Variants in CAMTA1 observed in about 807,000 individuals in gnomAD.
CAMTA1 encodes calmodulin-binding transcription activator 1.
In CAMTA1, 27 loss-of-function variants were observed where a neutral mutation model predicts 170.9. The observed-to-expected ratio is 0.16, with a 90% CI of 0.12 to 0.22. The LOEUF is 0.22. Among genes scored for constraint, CAMTA1 ranks in the 10% least tolerant of loss-of-function variants. The pLI, the probability that CAMTA1 is intolerant of heterozygous loss-of-function variation, is 1.00. For synonymous variants in CAMTA1, 833 were observed against 891.5 expected (o/e 0.93, Z 1.17); for missense variants, 1,619 against 2,217.2 (o/e 0.73, Z 5.42).
Position 7,634,728 on chromosome 1 carries a change from C to T in CAMTA1, c.511-5672C>T, listed in dbSNP as rs1226582856. Among the ~76,000 whole-genome samples the T allele has an allele frequency of 6.6e-6, 1 of 151,922 alleles. No homozygotes were observed. Among genetic ancestry groups the T allele is most frequent in the Admixed American group, 6.6e-5 (1 of 15,252 alleles). On this transcript the variant is annotated intron_variant, in intron 6 of 22. Transcript: ENST00000303635. This position sits in a 1 kb window ranked among gnomAD's most constrained non-coding sequence, Gnocchi z 6.2. ...AGGGGGCTCTAAGCAGCAGAAGTGCCCGCTGGAGGCTTAACTCTGCTCACC... is the reference window on the plus strand; with the variant it reads ...AGGGGGCTCTAAGCAGCAGAAGTGCTCGCTGGAGGCTTAACTCTGCTCACC...
intron 3 of CAMTA1, among the ~76,000 whole-genome samples, chr1:6,921,455 T>C (rs1295954212): frequency 6.6e-6 from 1 of 152,262 alleles, no homozygotes; most frequent in East Asian, 1.9e-4. Flanking sequence ...TGTCTTCTTC[T>C]GAGCCCTCCA....
rs1165637559 is a variant in CAMTA1, at chr1:7,499,355, C to A, written c.510+31454C>A. ...ATGTGTGTAGAGAGGATTGTGTGAG[C>A]CTGGTGTGCGTGTGTATGTATATGA... is the stretch of plus-strand genomic sequence containing the variant. On this transcript the variant is annotated intron_variant, in intron 6 of 22. Coordinates refer to ENST00000303635, the MANE Select transcript of CAMTA1 (RefSeq NM_015215.4). Among the ~76,000 whole-genome samples the A allele has an allele frequency of 3.1e-4, 39 of 126,034 alleles. 1 individual carries two copies. The highest frequency in any genetic ancestry group is 1.2e-3 in the African/African-American group (39 of 33,032). The allele number at this position is 126,034 out of a possible 152,430, so 82.7% of individuals were successfully genotyped here.
At chr1:7,552,048 A>G (rs1575993205) in intron 6 of CAMTA1, among the ~76,000 whole-genome samples, 3 of 152,334 alleles carry the variant, frequency 2.0e-5, no homozygotes, top group Middle Eastern at 6.8e-3. Context: ...AGGACCAGTG[A>G]CTTGCCATAG....
At chr1:7,405,005 A>G (rs1307191193) in intron 5 of CAMTA1, among the ~76,000 whole-genome samples, 2 of 151,954 alleles carry the variant, frequency 1.3e-5, no homozygotes, top group Non-Finnish European at 2.9e-5. Context: ...AAGTGAAAAT[A>G]TCATTACAAT....
At chr1:7,723,890 G>T (rs2096665496) in intron 11 of CAMTA1, among the ~76,000 whole-genome samples, 1 of 152,220 alleles carries the variant, frequency 6.6e-6, no homozygotes, top group Non-Finnish European at 1.5e-5. Flanking sequence ...TGTGATCTCA[G>T]CTCACTGCAA....
chr1:6,971,661 T>C lies in CAMTA1; in HGVS notation c.235-119643T>C, dbSNP rs1252408276. Among the ~76,000 whole-genome samples, 1 of 152,182 alleles carries C rather than the reference T, an allele frequency of 6.6e-6. No homozygotes were observed. Among genetic ancestry groups the C allele is most frequent in the Non-Finnish European group, 1.5e-5 (1 of 68,030 alleles). On this transcript the variant is annotated intron_variant, in intron 3 of 22. Coordinates refer to ENST00000303635, the MANE Select transcript of CAMTA1 (RefSeq NM_015215.4). The surrounding 1 kb of genome is among the most constrained non-coding windows in gnomAD (Gnocchi z 4.6). Reference sequence around the variant, plus strand: ...GTGTTAGAGCTGATTTGGGGCAGGATAATGGTGTCTGTGGCTGGGATAAAA... The same window carrying C: ...GTGTTAGAGCTGATTTGGGGCAGGACAATGGTGTCTGTGGCTGGGATAAAA...
chr1:7,277,774 C>CTT lies in CAMTA1; in HGVS notation c.438+28158_438+28159dup, dbSNP rs57789453. On this transcript the variant is annotated intron_variant, in intron 5 of 22. Coordinates refer to ENST00000303635, the MANE Select transcript of CAMTA1 (RefSeq NM_015215.4). ...TTTCACATACACACACATACACACA[C>CTT]TTTTTTTTTTTACTAAAATAAGGGG... 8.9e-3 allele frequency among the ~76,000 whole-genome samples: 1,322 copies of CTT among 148,438 alleles called. 21 individuals are homozygous for CTT. Among genetic ancestry groups the CTT allele is most frequent in the African/African-American group, 0.029 (1,176 of 40,696 alleles).
intron 4 of CAMTA1, among the ~76,000 whole-genome samples, chr1:7,198,881 C>T (rs1291735633): frequency 1.3e-5 from 2 of 152,150 alleles, no homozygotes; most frequent in Non-Finnish European, 2.9e-5. Context: ...CCGCGGGCAA[C>T]GCTGGATGCA....
intron 11 of CAMTA1, among the ~76,000 whole-genome samples, chr1:7,695,837 T>C (rs1019223446): frequency 8.5e-5 from 13 of 152,368 alleles, no homozygotes; most frequent in African/African-American, 3.1e-4. Context: ...AAATGCTCCC[T>C]GAACTAAATA....
intron 3 of CAMTA1, among the ~76,000 whole-genome samples, chr1:6,878,768 C>A (rs945232434): frequency 6.6e-6 from 1 of 152,236 alleles, no homozygotes; most frequent in Non-Finnish European, 1.5e-5. Flanking sequence ...TGGCAGTTCA[C>A]CATGACCGCT....
chr1:7,689,625 A>G (rs1363071670), intron 11 of CAMTA1, among the ~76,000 whole-genome samples: 2 of 152,220 alleles, frequency 1.3e-5, no homozygotes, highest in African/African-American at 4.8e-5. Context: ...TGATACACCA[A>G]AAACAAACGG....
At chr1:7,139,854 G>A (rs1314800572) in intron 4 of CAMTA1, among the ~76,000 whole-genome samples, 3 of 152,176 alleles carry the variant, frequency 2.0e-5, no homozygotes, top group African/African-American at 4.8e-5. Context: ...TTTGCTGGCC[G>A]GGCGTGAGCC....
chr1:6,870,918 T>A (rs1016807559), intron 3 of CAMTA1, among the ~76,000 whole-genome samples: 1 of 152,220 alleles, frequency 6.6e-6, no homozygotes, highest in African/African-American at 2.4e-5. Flanking sequence ...AATACTGAAA[T>A]TATTTAGTAT....
chr1:7,279,158 A>G (rs1459107441), intron 5 of CAMTA1, among the ~76,000 whole-genome samples: 1 of 152,182 alleles, frequency 6.6e-6, no homozygotes, highest in Non-Finnish European at 1.5e-5. Context: ...CAGTGCACCT[A>G]TGTGAAAGTG....
At position 7,738,276 on chromosome 1, in the gene CAMTA1, C is replaced by A; in HGVS notation, c.3976C>A (p.Leu1326Ile). 2 of 1,614,102 alleles carry A rather than the reference C, an allele frequency of 1.2e-6. No individual in the cohort carries two copies. The highest frequency in any genetic ancestry group is 1.7e-6 in the Non-Finnish European group (2 of 1,180,032). The stretch of plus-strand genomic sequence containing the variant: ...TGTAGGAAAGTGGAATTCCAAAGAT[C>A]TTTACATTGGTGTGTCTACAGTACA... ...QPVGKWNSKDLYIGVSTVQVT... is the reference protein window; with the variant it reads ...QPVGKWNSKDIYIGVSTVQVT... The change falls in exon 16 of 23, where the codon CTT becomes ATT. Residue 1326 changes from leucine (L) to isoleucine (I), a missense_variant. By Grantham distance (5) the Leu-to-Ile change is conservative. Transcript: ENST00000303635. This position sits in a 1 kb window ranked among gnomAD's most constrained non-coding sequence, Gnocchi z 4.9.
chr1:7,182,690 A>G (rs1227814809), intron 4 of CAMTA1, among the ~76,000 whole-genome samples: 2 of 152,220 alleles, frequency 1.3e-5, no homozygotes, highest in Non-Finnish European at 2.9e-5. Context: ...TTTGCAGCAT[A>G]TATCAGAAGT....
At chr1:6,902,180 T>TCTTACAAA (rs1186618003) in intron 3 of CAMTA1, among the ~76,000 whole-genome samples, 2 of 152,122 alleles carry the variant, frequency 1.3e-5, no homozygotes, top group African/African-American at 4.8e-5. Context: ...CACTTAAGAA[T>TCTTACAAA]CTTACAAATC....
chr1:7,449,475 A>G (rs2092761013), intron 5 of CAMTA1, among the ~76,000 whole-genome samples: 1 of 152,076 alleles, frequency 6.6e-6, no homozygotes, highest in South Asian at 2.1e-4. Flanking sequence ...TCTCACCTAG[A>G]AGATAGGAAT....
chr1:7,671,927 A>G, intron 10 of CAMTA1: 3 of 451,130 alleles, frequency 6.6e-6, no homozygotes, highest in Non-Finnish European at 4.4e-6. Context: ...CATGTCACAG[A>G]GGGGGATGGA....
Sources: gnomAD v4.1 joint callset for allele counts (sites outside exome capture counted in the v4.1 genomes callset) on GRCh38, gnomAD v4.1.1 for gene constraint, Gnocchi (gnomAD v3.1) non-coding constraint, MANE v1.5 for transcripts, NCBI Gene and HGNC (gene_info 2026-07-23, HGNC 2026-07-21) for gene names.